ARHGAP10: variants seen among roughly 807,000 people sequenced by gnomAD.
The protein encoded by ARHGAP10 is rho GTPase-activating protein 10.
A neutral mutation model predicts 108.6 loss-of-function variants in ARHGAP10; 87 were observed. The ratio of observed to expected loss-of-function variants is 0.80; its 90% CI spans 0.67 to 0.96. ARHGAP10 has a LOEUF of 0.96. Among genes scored for constraint, ARHGAP10 ranks in the 40% least tolerant of loss-of-function variants. ARHGAP10 has a pLI of 0.00. For synonymous variants in ARHGAP10, 347 were observed against 341.1 expected (o/e 1.02, Z -0.19); for missense variants, 939 against 954.5 (o/e 0.98, Z 0.21).
At chr4:148,002,661 A>G (rs1283174157) in intron 18 of ARHGAP10, among the ~76,000 whole-genome samples, 1 of 152,164 alleles carries the variant, frequency 6.6e-6, no homozygotes, top group Non-Finnish European at 1.5e-5. Context: ...TGTGTCAAGG[A>G]ATTTATCCAT....
At chr4:147,891,466 G>A (rs2126886078) in intron 10 of ARHGAP10, among the ~76,000 whole-genome samples, 1 of 152,294 alleles carries the variant, frequency 6.6e-6, no homozygotes, top group East Asian at 1.9e-4. Context: ...GAAATGGGGA[G>A]TGATGGCTAA....
chr4:147,794,495 T>C (rs533565561), intron 1 of ARHGAP10, among the ~76,000 whole-genome samples: 77 of 152,298 alleles, frequency 5.1e-4, no homozygotes, highest in African/African-American at 1.8e-3. Context: ...CATTCACCAG[T>C]GTAAGTAGCA....
intron 1 of ARHGAP10, among the ~76,000 whole-genome samples, chr4:147,819,407 A>G (rs140893112): frequency 6.6e-5 from 10 of 152,334 alleles, no homozygotes; most frequent in African/African-American, 2.4e-4. Flanking sequence ...TGGCAAAGCA[A>G]ACAGCAAAAT....
At chr4:147,941,916 G>GT (rs1200640680) in intron 14 of ARHGAP10, among the ~76,000 whole-genome samples, 2 of 151,922 alleles carry the variant, frequency 1.3e-5, no homozygotes, top group Non-Finnish European at 1.5e-5. Flanking sequence ...TTTCTGGTGT[G>GT]TTTTTTCCCT....
intron 10 of ARHGAP10, among the ~76,000 whole-genome samples, chr4:147,900,692 G>T (rs1736201890): frequency 6.6e-6 from 1 of 152,134 alleles, no homozygotes; most frequent in Admixed American, 6.5e-5. Flanking sequence ...CCCCCAGTCG[G>T]AACTTTCTCA....
intron 19 of ARHGAP10, among the ~76,000 whole-genome samples, chr4:148,029,192 C>T (rs751445610): frequency 1.3e-5 from 2 of 152,084 alleles, no homozygotes; most frequent in Non-Finnish European, 2.9e-5. Flanking sequence ...AGAAAAAGAA[C>T]AGTCCTATAA....
chr4:148,028,029 C>G (rs1727957622), intron 19 of ARHGAP10, among the ~76,000 whole-genome samples: 1 of 151,986 alleles, frequency 6.6e-6, no homozygotes, highest in Admixed American at 6.6e-5. Flanking sequence ...TTTAAAGGAG[C>G]TAATTTTCTG....
Position 147,959,510 on chromosome 4 carries a change from C to T in ARHGAP10, c.1450+4136C>T, listed in dbSNP as rs1195338767. 2.0e-5 allele frequency among the ~76,000 whole-genome samples: 3 copies of T among 152,030 alleles called. No individual in the cohort carries two copies. In the East Asian group the frequency reaches 5.8e-4, roughly 29 times the overall value. On this transcript the variant is annotated intron_variant, in intron 16 of 22. Coordinates refer to ENST00000336498, the MANE Select transcript of ARHGAP10 (RefSeq NM_024605.4). ...TTAGGTATATCTCCTAATGCTATCC[C>T]TCCCCGCTCCCCCCACCCCACGACA...
At chr4:147,783,724 C>T (rs1579040179) in intron 1 of ARHGAP10, among the ~76,000 whole-genome samples, 1 of 145,004 alleles carries the variant, frequency 6.9e-6, no homozygotes, top group East Asian at 2.1e-4. Flanking sequence ...TTATAGAACA[C>T]ATTAAATTAT....
intron 1 of ARHGAP10, among the ~76,000 whole-genome samples, chr4:147,822,166 A>G (rs1732526764): frequency 1.3e-5 from 2 of 152,230 alleles, no homozygotes; most frequent in African/African-American, 4.8e-5. Context: ...TCTTCCTACC[A>G]TTTCTTCTTG....
At position 148,016,579 on chromosome 4, in the gene ARHGAP10, G is replaced by C. The variant is rs982549791; in HGVS notation, c.1717-6684G>C. On this transcript the variant is annotated intron_variant, in intron 18 of 22. Coordinates refer to ENST00000336498, the MANE Select transcript of ARHGAP10 (RefSeq NM_024605.4). ...TTCTTATAACACAACAATCAACACA[G>C]AAAACCTTTGTGTCCAGATGTGTGG... Among the ~76,000 whole-genome samples the C allele has an allele frequency of 3.9e-5, 6 of 152,212 alleles. No individual in the cohort carries two copies. In the East Asian group the frequency reaches 9.6e-4, roughly 24 times the overall value.
intron 14 of ARHGAP10, among the ~76,000 whole-genome samples, chr4:147,945,166 C>T (rs1738323655): frequency 6.6e-6 from 1 of 152,110 alleles, no homozygotes; most frequent in African/African-American, 2.4e-5. Flanking sequence ...TGTACCAGCC[C>T]AGAGTTCTAA....
At chr4:147,972,189 T>C (rs960791042) in intron 18 of ARHGAP10, among the ~76,000 whole-genome samples, 2 of 152,166 alleles carry the variant, frequency 1.3e-5, no homozygotes, top group South Asian at 4.1e-4. Flanking sequence ...TAAGGTATAG[T>C]TAAAGACATG....
chr4:147,770,700 A>G (rs1371655612), intron 1 of ARHGAP10, among the ~76,000 whole-genome samples: 2 of 152,102 alleles, frequency 1.3e-5, no homozygotes, highest in African/African-American at 4.8e-5. Flanking sequence ...TTCAGATTCC[A>G]CCTCTGCTAC....
chr4:147,909,273 C>T (rs1004263117), intron 11 of ARHGAP10, among the ~76,000 whole-genome samples: 5 of 152,154 alleles, frequency 3.3e-5, no homozygotes, highest in African/African-American at 1.2e-4. Context: ...GCCCCCATGC[C>T]CTCAGTGGGT....
intron 18 of ARHGAP10, among the ~76,000 whole-genome samples, chr4:147,976,117 C>T (rs991165302): frequency 6.6e-6 from 1 of 152,198 alleles, no homozygotes; most frequent in African/African-American, 2.4e-5. Context: ...AGGTTGGTCT[C>T]TGTCATTCTT....
At chr4:147,799,598 T>C (rs1230454565) in intron 1 of ARHGAP10, among the ~76,000 whole-genome samples, 4 of 152,240 alleles carry the variant, frequency 2.6e-5, no homozygotes, top group African/African-American at 9.6e-5. Flanking sequence ...ATTTTCATCC[T>C]ACTATTGAGC....
chr4:147,791,404 G>A (rs1165726318), intron 1 of ARHGAP10, among the ~76,000 whole-genome samples: 2 of 151,840 alleles, frequency 1.3e-5, no homozygotes, highest in East Asian at 1.9e-4. Context: ...GAGCCACTGC[G>A]CCCGGCCTCT....
At chr4:148,034,378 C>T (rs559814161) in intron 19 of ARHGAP10, among the ~76,000 whole-genome samples, 1 of 152,258 alleles carries the variant, frequency 6.6e-6, no homozygotes, top group East Asian at 1.9e-4. Flanking sequence ...AGTGCGATGG[C>T]GCGATCTTGG....
Sources: allele counts gnomAD v4.1 joint callset (sites outside exome capture counted in the v4.1 genomes callset), GRCh38; gene constraint gnomAD v4.1.1; transcripts MANE v1.5; gene names NCBI Gene and HGNC (gene_info 2026-07-23, HGNC 2026-07-21).